The following WWOX variants were observed in gnomAD, a reference collection of about 807,000 sequenced individuals.
The protein encoded by WWOX is WW domain-containing oxidoreductase.
WWOX carries 69 observed loss-of-function variants against 46.2 expected under a neutral mutation model. That is an observed-to-expected ratio of 1.49 (90% CI 1.23 to 1.82). WWOX has a LOEUF of 1.82. Ranked by LOEUF, WWOX falls within the 40% of genes most tolerant of loss-of-function variation. WWOX has a pLI of 0.00. For synonymous variants in WWOX, 359 were observed against 202.6 expected, an observed-to-expected ratio of 1.77 and a Z score of -6.56; for missense variants, 919 against 542.6, an observed-to-expected ratio of 1.69 and a Z score of -6.89.
chr16:78,543,893 A>C (rs765419774), intron 8 of WWOX, among the ~76,000 whole-genome samples: 2 of 152,172 alleles, frequency 1.3e-5, no homozygotes, highest in Non-Finnish European at 2.9e-5. Flanking sequence ...GACGGTTGGT[A>C]CTTTAATCAT....
At chr16:79,024,547 C>T (rs183011594) in intron 8 of WWOX, among the ~76,000 whole-genome samples, 67 of 152,282 alleles carry the variant, frequency 4.4e-4, no homozygotes, top group Non-Finnish European at 7.5e-4. Context: ...CATTCTCCTG[C>T]CTCAGCCTCC....
intron 8 of WWOX, among the ~76,000 whole-genome samples, chr16:78,930,250 C>CCTTCCTTT (rs1424163112): frequency 4.1e-4 from 51 of 125,700 alleles, no homozygotes; most frequent in African/African-American, 1.5e-3. Context: ...TTCCTTCCTT[C>CCTTCCTTT]CTTCCTTCCT....
intron 8 of WWOX, among the ~76,000 whole-genome samples, chr16:78,564,660 T>G (rs527996756): frequency 3.4e-4 from 52 of 152,312 alleles, no homozygotes; most frequent in African/African-American, 1.2e-3. Context: ...TTCTTTTATC[T>G]GGCCACTCGG....
chr16:78,114,919 A>G lies in WWOX; in HGVS notation c.231-57A>G, dbSNP rs563772509. 171 of 1,609,866 alleles carry G rather than the reference A, an allele frequency of 1.1e-4. No homozygotes were observed. In the Middle Eastern group the frequency reaches 1.2e-3, roughly 11 times the overall value. On this transcript the variant is annotated intron_variant, in intron 3 of 8. Transcript: ENST00000566780. ...TTTTCCTAAAGTATAAGATTGTCTTATATTTATAAATGCCTGTGTTCATTG... is the reference window on the plus strand; with the variant it reads ...TTTTCCTAAAGTATAAGATTGTCTTGTATTTATAAATGCCTGTGTTCATTG...
At chr16:78,496,053 GGAT>G (rs1389770743) in intron 8 of WWOX, 1 of 152,098 alleles carries the variant, frequency 6.6e-6, no homozygotes, top group Non-Finnish European at 1.5e-5. Flanking sequence ...TAGAATTTTT[GGAT>G]GATTAGACTT....
intron 5 of WWOX, among the ~76,000 whole-genome samples, chr16:78,325,124 G>C (rs1420048198): frequency 6.6e-6 from 1 of 152,152 alleles, no homozygotes. Context: ...TCACAGGGCT[G>C]TGGCAGCCTT....
intron 8 of WWOX, among the ~76,000 whole-genome samples, chr16:79,135,970 T>G (rs2049974381): frequency 6.6e-6 from 1 of 152,066 alleles, no homozygotes; most frequent in Non-Finnish European, 1.5e-5. Flanking sequence ...TTCGAATGGC[T>G]GACTATTGTA....
rs749074781 is a variant in WWOX at position 79,211,737 on chromosome 16, A to ACCCTGTGGGCGCTCAGCGAGAGGCTGATC, written c.1188_1216dup (p.Gln406ProfsTer9). ...AGCTCAGAGCGAAGAGACGGCCCGG[A>ACCCTGTGGGCGCTCAGCGAGAGGCTGATC]CCCTGTGGGCGCTCAGCGAGAGGCT... On this transcript the variant is annotated frameshift_variant, in exon 9 of 9. Coordinates refer to ENST00000566780, the MANE Select transcript of WWOX (RefSeq NM_016373.4). LOFTEE classifies it high-confidence loss of function. The ACCCTGTGGGCGCTCAGCGAGAGGCTGATC allele has an allele frequency of 6.2e-7, 1 of 1,614,156 alleles. No homozygotes were observed.
chr16:79,074,450 T>C (rs79066221), intron 8 of WWOX, among the ~76,000 whole-genome samples: 4,659 of 139,802 alleles, frequency 0.033, 277 homozygotes, highest in African/African-American at 0.13. Context: ...TTTGGTCATA[T>C]TTTCTCCATT....
intron 8 of WWOX, among the ~76,000 whole-genome samples, chr16:79,046,550 A>T (rs1396539336): frequency 6.6e-6 from 1 of 152,148 alleles, no homozygotes; most frequent in Non-Finnish European, 1.5e-5. Flanking sequence ...GCATCTTCAC[A>T]TGGTGGGAAG....
intron 8 of WWOX, among the ~76,000 whole-genome samples, chr16:78,524,575 C>G (rs969845637): frequency 4.0e-5 from 6 of 151,832 alleles, no homozygotes; most frequent in African/African-American, 1.2e-4. Context: ...TGTGCACCAC[C>G]AGGCTCTGCT....
At chr16:78,931,988 C>T (rs1162482099) in intron 8 of WWOX, among the ~76,000 whole-genome samples, 2 of 152,244 alleles carry the variant, frequency 1.3e-5, no homozygotes, top group Non-Finnish European at 2.9e-5. Flanking sequence ...TTGCCTGCTG[C>T]CATTTAAGAC....
At chr16:78,615,584 G>C (rs921147503) in intron 8 of WWOX, among the ~76,000 whole-genome samples, 2 of 151,968 alleles carry the variant, frequency 1.3e-5, no homozygotes, top group East Asian at 3.9e-4. Flanking sequence ...CTGAGCCCAG[G>C]AGTTGGAGGT....
chr16:79,120,276 T>G (rs1441014008), intron 8 of WWOX, among the ~76,000 whole-genome samples: 2 of 152,140 alleles, frequency 1.3e-5, no homozygotes, highest in African/African-American at 2.4e-5. Context: ...CAGGTACATA[T>G]ACCCTTCAGA....
rs142583394 is a variant in WWOX, at chr16:78,845,706, C to T, written c.1057-365902C>T. On this transcript the variant is annotated intron_variant, in intron 8 of 8. Transcript: ENST00000566780. Reference sequence around the variant, plus strand: ...TAACTAATATTTCCGGAAGAATGGCCTTCCAGACACTCATTTTAAGTGACA... The same window carrying T: ...TAACTAATATTTCCGGAAGAATGGCTTTCCAGACACTCATTTTAAGTGACA... Among the ~76,000 whole-genome samples, 431 of 152,256 alleles carry T rather than the reference C, an allele frequency of 2.8e-3. 2 individuals carry two copies. The highest frequency in any genetic ancestry group is 9.4e-3 in the African/African-American group (389 of 41,552).
intron 8 of WWOX, among the ~76,000 whole-genome samples, chr16:78,889,034 C>A (rs2044530036): frequency 6.6e-6 from 1 of 152,060 alleles, no homozygotes; most frequent in Non-Finnish European, 1.5e-5. Flanking sequence ...TTTATCCCAT[C>A]CCGGCTGACT....
At chr16:79,020,879 C>T (rs1003806419) in intron 8 of WWOX, among the ~76,000 whole-genome samples, 1 of 152,028 alleles carries the variant, frequency 6.6e-6, no homozygotes, top group South Asian at 2.1e-4. Context: ...AGCAGGCAGC[C>T]TGCTGTTTAT....
intron 8 of WWOX, among the ~76,000 whole-genome samples, chr16:78,789,043 G>C (rs530128701): frequency 6.6e-6 from 1 of 152,086 alleles, no homozygotes. Context: ...ATATCATCTC[G>C]TGATGCACAA....
intron 5 of WWOX, among the ~76,000 whole-genome samples, chr16:78,175,035 T>TAAA (rs60489403): frequency 6.8e-6 from 1 of 148,066 alleles, no homozygotes; most frequent in Non-Finnish European, 1.5e-5. Flanking sequence ...ATAATAAGAA[T>TAAA]CTGACTAAGG....
Sources: gnomAD v4.1 joint callset for allele counts (sites outside exome capture counted in the v4.1 genomes callset) on GRCh38, gnomAD v4.1.1 for gene constraint, MANE v1.5 for transcripts, NCBI Gene and HGNC (gene_info 2026-07-23, HGNC 2026-07-21) for gene names.